The following RPA3 variants were observed in gnomAD, a reference collection of about 807,000 sequenced individuals.
The protein encoded by RPA3 is replication protein A 14 kDa subunit.
In RPA3, 24 loss-of-function variants were observed where a neutral mutation model predicts 13.7. The observed-to-expected ratio is 1.75, with a 90% CI of 1.27 to 2.46. The LOEUF (loss-of-function observed/expected upper bound fraction) is 2.46, where lower values mean the gene tolerates loss of function less well. RPA3 is among the 30% of genes most tolerant of loss of function. RPA3 has a pLI of 0.00. For synonymous variants in RPA3, 59 were observed against 51.2 expected (o/e 1.15, Z -0.65); for missense variants, 183 against 151.0 (o/e 1.21, Z -1.11).
At chr7:7,640,236 C>A in intron 5 of RPA3, 84 bp downstream of exon 5, 1 of 1,400,380 alleles carries the variant, frequency 7.1e-7, no homozygotes, top group Non-Finnish European at 1.0e-6. Flanking sequence ...GGAGGCTTTC[C>A]GTCCTTTTTC....
intron 4 of RPA3, among the ~76,000 whole-genome samples, chr7:7,649,328 G>C (rs111673680): frequency 2.9e-3 from 439 of 152,236 alleles, no homozygotes; most frequent in African/African-American, 0.01. Flanking sequence ...AAGGGAAGGG[G>C]ACTAACTAAT....
chr7:7,663,150 C>T (rs1187469623), intron 4 of RPA3, among the ~76,000 whole-genome samples: 1 of 149,412 alleles, frequency 6.7e-6, no homozygotes, highest in African/African-American at 2.5e-5. Flanking sequence ...TCCCTCTTCC[C>T]CTACTTTTTT....
chr7:7,664,714 A>G (rs1779393356), intron 4 of RPA3, among the ~76,000 whole-genome samples: 1 of 152,190 alleles, frequency 6.6e-6, no homozygotes, highest in African/African-American at 2.4e-5. Context: ...TCTAATTCAC[A>G]TTGATCTTTC....
At chr7:7,680,075 G>A (rs1178861692) in intron 4 of RPA3, among the ~76,000 whole-genome samples, 1 of 151,900 alleles carries the variant, frequency 6.6e-6, no homozygotes, top group African/African-American at 2.4e-5. Flanking sequence ...TTTTGCTTTG[G>A]TTGCCTGTGC....
chr7:7,702,929 T>C (rs1431810856), intron 2 of RPA3, among the ~76,000 whole-genome samples: 1 of 152,262 alleles, frequency 6.6e-6, no homozygotes, highest in Non-Finnish European at 1.5e-5. Context: ...GAAAATCATT[T>C]ATTTTTCACT....
chr7:7,703,251 G>C (rs989395075), intron 2 of RPA3, among the ~76,000 whole-genome samples: 1 of 152,078 alleles, frequency 6.6e-6, no homozygotes, highest in Non-Finnish European at 1.5e-5. Context: ...TTACAGTGAG[G>C]CTTCTATAAT....
At chr7:7,643,718 AAAAAAAACAAACAAACG>A (rs374358906) in intron 4 of RPA3, among the ~76,000 whole-genome samples, 50,015 of 91,454 alleles carry the variant, frequency 0.55, 11,002 homozygotes, top group African/African-American at 0.68. Flanking sequence ...TCTCAAAAAA[AAAAAAAACAAACAAACG>A]AAAAAAAAAG....
intron 4 of RPA3, among the ~76,000 whole-genome samples, chr7:7,669,231 A>G (rs564918339): frequency 3.3e-4 from 51 of 152,240 alleles, no homozygotes; most frequent in African/African-American, 1.2e-3. Context: ...TCCCCCATGG[A>G]TAAGGAGGAA....
Position 7,640,398 on chromosome 7 carries a change from C to G in RPA3, c.21G>C (p.Leu7Phe). ...TGCCGGCGTTGATGCGCGACCTGGG[C>G]AAGTCCATCATGTCCACCATGATTA... The part of the protein sequence containing the change: MVDMMD[L>F]PRSRINAGML... Residue 7 changes from leucine (L) to phenylalanine (F), a missense_variant, in exon 5 of 8, where the codon TTG becomes TTC. Coordinates refer to ENST00000223129, the MANE Select transcript of RPA3 (RefSeq NM_002947.5). The G allele has an allele frequency of 1.9e-6, 3 of 1,614,068 alleles. No homozygotes were observed. Among genetic ancestry groups the G allele is most frequent in the Non-Finnish European group, 2.5e-6 (3 of 1,180,028 alleles).
intron 4 of RPA3, among the ~76,000 whole-genome samples, chr7:7,668,364 A>G (rs1464213624): frequency 3.3e-5 from 5 of 152,154 alleles, no homozygotes; most frequent in Non-Finnish European, 7.4e-5. Context: ...GCAACTAAGT[A>G]AAAAAATTTA....
intron 4 of RPA3, among the ~76,000 whole-genome samples, chr7:7,669,951 T>C (rs1779564826): frequency 6.6e-6 from 1 of 152,204 alleles, no homozygotes; most frequent in South Asian, 2.1e-4. Flanking sequence ...TGGGATATTA[T>C]AATGTTCTGA....
At chr7:7,677,675 T>TGG (rs71523787) in intron 4 of RPA3, among the ~76,000 whole-genome samples, 1 of 123,768 alleles carries the variant, frequency 8.1e-6, no homozygotes, top group Non-Finnish European at 1.7e-5. Context: ...TTTTTTTTTT[T>TGG]TTTTTTTTTT....
intron 4 of RPA3, among the ~76,000 whole-genome samples, chr7:7,649,646 C>T (rs1785178270): frequency 6.6e-6 from 1 of 151,842 alleles, no homozygotes; most frequent in Non-Finnish European, 1.5e-5. Context: ...TGTTATCAGT[C>T]TGTGTTAATT....
At chr7:7,707,420 C>G (rs746579729) in intron 2 of RPA3, among the ~76,000 whole-genome samples, 17 of 152,192 alleles carry the variant, frequency 1.1e-4, no homozygotes, top group Non-Finnish European at 2.9e-5. Flanking sequence ...CTAGCACCAT[C>G]AGCAATGTTA....
intron 4 of RPA3, among the ~76,000 whole-genome samples, chr7:7,684,851 A>G (rs796541645): frequency 6.6e-5 from 10 of 152,328 alleles, no homozygotes; most frequent in African/African-American, 2.2e-4. Context: ...ATTTGGGGGT[A>G]GTTGACTGTT....
chr7:7,669,802 C>T (rs562690147), intron 4 of RPA3, among the ~76,000 whole-genome samples: 1 of 152,258 alleles, frequency 6.6e-6, no homozygotes, highest in South Asian at 2.1e-4. Flanking sequence ...TGAAATTATC[C>T]AAAGCAAATC....
chr7:7,668,510 A>G (rs1455970055), intron 4 of RPA3, among the ~76,000 whole-genome samples: 1 of 152,192 alleles, frequency 6.6e-6, no homozygotes, highest in South Asian at 2.1e-4. Flanking sequence ...TAATTTATAA[A>G]TTAAACTTTA....
rs2108002 is a variant in RPA3 at position 7,688,130 on chromosome 7, G to A, written c.-1027-802C>T. Among the ~76,000 whole-genome samples the A allele has an allele frequency of 4.5e-4, 68 of 152,282 alleles. 2 individuals carry two copies. In the South Asian group the frequency reaches 0.013, roughly 30 times the overall value. ...TCTGACACTACATGTAAAATTTTAG[G>A]TTTGTATTTTTGGGGGGAGAACATT... On this transcript the variant is annotated intron_variant, in intron 2 of 7. Coordinates refer to ENST00000223129, the MANE Select transcript of RPA3 (RefSeq NM_002947.5).
chr7:7,692,739 A>T (rs1301107463), intron 2 of RPA3, among the ~76,000 whole-genome samples: 15 of 152,082 alleles, frequency 9.9e-5, no homozygotes, highest in Admixed American at 9.2e-4. Flanking sequence ...CCTCCCGAGT[A>T]GTTGGGACTA....
Sources: allele counts gnomAD v4.1 joint callset (sites outside exome capture counted in the v4.1 genomes callset), GRCh38; gene constraint gnomAD v4.1.1; transcripts MANE v1.5; gene names NCBI Gene and HGNC (gene_info 2026-07-23, HGNC 2026-07-21).